The following OSBPL1A variants were observed in gnomAD, a reference collection of about 807,000 sequenced individuals.
OSBPL1A encodes the protein oxysterol-binding protein-related protein 1.
OSBPL1A carries 80 observed loss-of-function variants against 137.1 expected under a neutral mutation model. That is an observed-to-expected ratio of 0.58 (90% confidence interval 0.49 to 0.70). OSBPL1A has a LOEUF of 0.70. Among genes scored for constraint, OSBPL1A ranks in the 30% least tolerant of loss-of-function variants. The pLI, the probability that OSBPL1A is intolerant of heterozygous loss-of-function variation, is 0.00. For missense variants in OSBPL1A, 970 were observed against 1,129.4 expected (o/e 0.86, Z 2.02); for synonymous variants, 365 against 389.7 (o/e 0.94, Z 0.75).
At chr18:24,350,658 C>A (rs894023984) in intron 4 of OSBPL1A, among the ~76,000 whole-genome samples, 1 of 151,958 alleles carries the variant, frequency 6.6e-6, no homozygotes, top group African/African-American at 2.4e-5. Context: ...CACACAGGAA[C>A]AGGAATAAGA....
chr18:24,369,451 T>C (rs1429518021), intron 2 of OSBPL1A, among the ~76,000 whole-genome samples: 5 of 152,210 alleles, frequency 3.3e-5, no homozygotes, highest in African/African-American at 1.2e-4. Flanking sequence ...GTCACCTGCC[T>C]TGATGGGGCT....
At chr18:24,351,303 C>T (rs553647082) in intron 4 of OSBPL1A, among the ~76,000 whole-genome samples, 7 of 133,638 alleles carry the variant, frequency 5.2e-5, no homozygotes, top group East Asian at 2.3e-4. Context: ...GAGCTGAGAT[C>T]GTGCCACTGC....
chr18:24,167,519 T>G, intron 24 of OSBPL1A, 74 bp from the exon 25 acceptor site: 1 of 1,231,778 alleles, frequency 8.1e-7, no homozygotes, highest in South Asian at 1.2e-5. Flanking sequence ...ATAATGACAT[T>G]TTCAGTCAAC....
At chr18:24,272,229 C>G (rs2089741422) in intron 15 of OSBPL1A, 64 of 983,450 alleles carry the variant, frequency 6.5e-5, no homozygotes, top group Non-Finnish European at 7.7e-5. Flanking sequence ...GACACCGGCC[C>G]TGGCAACTTT....
At chr18:24,223,672 A>G (rs9955116) in intron 17 of OSBPL1A, among the ~76,000 whole-genome samples, 1,763 of 152,292 alleles carry the variant, frequency 0.012, 36 homozygotes, top group African/African-American at 0.039. Context: ...CAAATGCAAA[A>G]TAACTACTGT....
intron 5 of OSBPL1A, among the ~76,000 whole-genome samples, chr18:24,338,600 C>T (rs757318955): frequency 6.6e-6 from 1 of 152,206 alleles, no homozygotes; most frequent in Non-Finnish European, 1.5e-5. Flanking sequence ...CATCCCTTCT[C>T]CCAAGTAACA....
chr18:24,359,436 T>A (rs569986686), intron 4 of OSBPL1A, among the ~76,000 whole-genome samples: 1 of 152,150 alleles, frequency 6.6e-6, no homozygotes, highest in Non-Finnish European at 1.5e-5. Flanking sequence ...TGGTGGCTCA[T>A]GCCTGTGATC....
intron 17 of OSBPL1A, among the ~76,000 whole-genome samples, chr18:24,224,180 T>C (rs1204923443): frequency 6.6e-6 from 1 of 152,074 alleles, no homozygotes; most frequent in African/African-American, 2.4e-5. Context: ...AAAATACACA[T>C]AAGCCAGAGA....
intron 2 of OSBPL1A, among the ~76,000 whole-genome samples, chr18:24,374,602 C>T (rs1246743156): frequency 2.6e-5 from 4 of 152,204 alleles, no homozygotes; most frequent in African/African-American, 9.7e-5. Flanking sequence ...TTTTGGCTAA[C>T]CAGAGCTGCT....
At chr18:24,351,483 C>T (rs575663112) in intron 4 of OSBPL1A, among the ~76,000 whole-genome samples, 5 of 151,512 alleles carry the variant, frequency 3.3e-5, no homozygotes, top group South Asian at 2.1e-4. Context: ...TTTAAAATTA[C>T]GTGATGAGAA....
At chr18:24,294,733 A>G (rs1035265005) in intron 14 of OSBPL1A, among the ~76,000 whole-genome samples, 9 of 152,212 alleles carry the variant, frequency 5.9e-5, no homozygotes, top group African/African-American at 1.7e-4. Context: ...AAGTTGCTGC[A>G]GAAGACATTA....
intron 15 of OSBPL1A, among the ~76,000 whole-genome samples, chr18:24,257,968 C>A (rs2089332177): frequency 6.6e-6 from 1 of 152,118 alleles, no homozygotes; most frequent in Non-Finnish European, 1.5e-5. Flanking sequence ...AAAAGACAGG[C>A]AGTAACAAAT....
At chr18:24,251,312 G>A (rs1599564300) in intron 15 of OSBPL1A, among the ~76,000 whole-genome samples, 1 of 152,262 alleles carries the variant, frequency 6.6e-6, no homozygotes, top group East Asian at 1.9e-4. Context: ...GACCCATTGT[G>A]GTGCTGGCTT....
intron 16 of OSBPL1A, among the ~76,000 whole-genome samples, chr18:24,238,579 T>C (rs1022215972): frequency 1.3e-5 from 2 of 152,208 alleles, no homozygotes; most frequent in South Asian, 2.1e-4. Flanking sequence ...ATGGACACTA[T>C]AATTATCCCA....
At chr18:24,347,662 T>C (rs904538649) in intron 4 of OSBPL1A, 1 of 151,556 alleles carries the variant, frequency 6.6e-6, no homozygotes, top group Admixed American at 6.6e-5. Context: ...GCCAATATAG[T>C]GAAACCCCGT....
intron 15 of OSBPL1A, among the ~76,000 whole-genome samples, chr18:24,256,795 T>C (rs1199566079): frequency 6.6e-6 from 1 of 151,966 alleles, no homozygotes; most frequent in Non-Finnish European, 1.5e-5. Context: ...CAAAAATCAG[T>C]AGCATTTCTA....
At chr18:24,167,648 G>GT (rs904613335) in intron 24 of OSBPL1A, among the ~76,000 whole-genome samples, 22 of 152,180 alleles carry the variant, frequency 1.4e-4, no homozygotes, top group Middle Eastern at 3.2e-3. Context: ...CCGATACTCA[G>GT]TAACGGTGTT....
chr18:24,275,728 C>CTT (rs11290304), intron 15 of OSBPL1A, among the ~76,000 whole-genome samples: 24 of 143,038 alleles, frequency 1.7e-4, no homozygotes, highest in Non-Finnish European at 2.0e-4. Flanking sequence ...GTCCCACTCT[C>CTT]TTTTTTTTTT....
chr18:24,340,304 C>T (rs183598756), intron 5 of OSBPL1A, among the ~76,000 whole-genome samples: 1 of 152,302 alleles, frequency 6.6e-6, no homozygotes, highest in East Asian at 1.9e-4. Context: ...GCAAATTAGT[C>T]TTTGACATTC....
Sources: gnomAD v4.1 joint callset for allele counts (sites outside exome capture counted in the v4.1 genomes callset) on GRCh38, gnomAD v4.1.1 for gene constraint, MANE v1.5 for transcripts, NCBI Gene and HGNC (gene_info 2026-07-23, HGNC 2026-07-21) for gene names.